Variants in KCNK13 observed in about 807,000 individuals in gnomAD.
KCNK13 encodes potassium channel subfamily K member 13.
KCNK13 carries 12 observed loss-of-function variants against 23.4 expected under a neutral mutation model. That is an observed-to-expected ratio of 0.51 (90% confidence interval 0.33 to 0.83). KCNK13 has a LOEUF of 0.83. KCNK13 is among the 40% of genes least tolerant of loss of function. KCNK13 has a pLI of 0.02. For missense variants in KCNK13, 463 were observed against 556.3 expected (o/e 0.83, Z 1.69); for synonymous variants, 231 against 229.5 (o/e 1.01, Z -0.06).
intron 1 of KCNK13, among the ~76,000 whole-genome samples, chr14:90,087,635 A>G (rs1889296963): frequency 2.0e-5 from 3 of 152,214 alleles, no homozygotes; most frequent in Admixed American, 2.0e-4. Flanking sequence ...ACTGCGCAGC[A>G]TAATCTCAGC....
At chr14:90,156,541 G>C (rs959311206) in intron 1 of KCNK13, among the ~76,000 whole-genome samples, 1 of 152,182 alleles carries the variant, frequency 6.6e-6, no homozygotes, top group South Asian at 2.1e-4. Context: ...GAATACTAAA[G>C]CCACATAGAA....
intron 1 of KCNK13, among the ~76,000 whole-genome samples, chr14:90,163,344 C>G (rs188488961): frequency 1.3e-5 from 2 of 152,290 alleles, no homozygotes; most frequent in East Asian, 3.9e-4. Context: ...GAAATTATGT[C>G]ATCAGAAGAA....
chr14:90,098,981 G>A (rs988259850), intron 1 of KCNK13, among the ~76,000 whole-genome samples: 3 of 151,962 alleles, frequency 2.0e-5, no homozygotes, highest in African/African-American at 7.3e-5. Context: ...GGGAGGCTAA[G>A]GCAGAGAATT....
At chr14:90,102,876 T>G (rs1367547624) in intron 1 of KCNK13, among the ~76,000 whole-genome samples, 1 of 152,200 alleles carries the variant, frequency 6.6e-6, no homozygotes, top group Non-Finnish European at 1.5e-5. Flanking sequence ...ATGGGTGTAT[T>G]GTACTCAGGT....
At chr14:90,163,961 G>T (rs1350572844) in intron 1 of KCNK13, among the ~76,000 whole-genome samples, 1 of 152,146 alleles carries the variant, frequency 6.6e-6, no homozygotes, top group East Asian at 1.9e-4. Flanking sequence ...CAAAGTGCTG[G>T]GATTACAGGC....
Position 90,184,690 on chromosome 14 carries a change from G to T in KCNK13, c.914G>T (p.Gly305Val), listed in dbSNP as rs1451141445. ...DSGCCPQCQR[G>V]LLRSRRNVVM... is the part of the protein sequence containing the mutation. ...GGGTGCTGCCCGCAATGCCAGAGAG[G>T]ACTCTTGCGATCACGCAGGAACGTG... is the stretch of plus-strand genomic sequence containing the variant. The change falls in exon 2 of 2, where the codon GGA becomes GTA. Residue 305 changes from glycine (G) to valine (V), a missense_variant. Physicochemically the swap from Gly to Val is moderately radical, Grantham distance 109. Coordinates refer to ENST00000282146, the MANE Select transcript of KCNK13 (RefSeq NM_022054.4). The surrounding 1 kb of genome is among the most constrained non-coding windows in gnomAD (Gnocchi z 5.6). The T allele has an allele frequency of 1.2e-6, 2 of 1,614,118 alleles. No individual in the cohort carries two copies. The highest frequency in any genetic ancestry group is 1.7e-6 in the Non-Finnish European group (2 of 1,180,056).
intron 1 of KCNK13, among the ~76,000 whole-genome samples, chr14:90,156,487 A>AGAT (rs202138603): frequency 1.2e-3 from 170 of 136,290 alleles, no homozygotes; most frequent in African/African-American, 4.6e-3. Context: ...TCGAGAATTG[A>AGAT]GATGCCAGGC....
chr14:90,163,247 A>G (rs1415769220), intron 1 of KCNK13, among the ~76,000 whole-genome samples: 1 of 152,220 alleles, frequency 6.6e-6, no homozygotes, highest in Non-Finnish European at 1.5e-5. Context: ...GGTAGGAGAG[A>G]AAAGTAGAGT....
chr14:90,184,666 G>A lies in KCNK13; in HGVS notation c.890G>A (p.Gly297Glu). 3 of 1,614,224 alleles carry A rather than the reference G, an allele frequency of 1.9e-6. No individual in the cohort carries two copies. The highest frequency in any genetic ancestry group is 2.5e-6 in the Non-Finnish European group (3 of 1,180,044). The part of the protein sequence containing the change: ...LNWILRKMDS[G>E]CCPQCQRGLL... The stretch of plus-strand genomic sequence containing the variant: ...TGGATCCTGAGGAAAATGGACAGCG[G>A]GTGCTGCCCGCAATGCCAGAGAGGA... Residue 297 changes from glycine to glutamate, a missense_variant, in exon 2 of 2, where the codon GGG (glycine) becomes GAG (glutamate). By Grantham distance (98) the Gly-to-Glu change is moderately conservative. Transcript: ENST00000282146. This position sits in a 1 kb window ranked among gnomAD's most constrained non-coding sequence, Gnocchi z 5.6.
chr14:90,070,860 T>C (rs1889066061), intron 1 of KCNK13, among the ~76,000 whole-genome samples: 1 of 152,262 alleles, frequency 6.6e-6, no homozygotes, highest in Non-Finnish European at 1.5e-5. Context: ...AGAGCTTACC[T>C]CCACTCAGGA....
chr14:90,075,279 C>A (rs147878050), intron 1 of KCNK13, among the ~76,000 whole-genome samples: 4 of 152,224 alleles, frequency 2.6e-5, no homozygotes, highest in Non-Finnish European at 5.9e-5. Context: ...AAAATTGAGA[C>A]CTCGGTTTAT....
intron 1 of KCNK13, among the ~76,000 whole-genome samples, chr14:90,068,815 G>A (rs1889038727): frequency 6.6e-6 from 1 of 152,092 alleles, no homozygotes; most frequent in African/African-American, 2.4e-5. Context: ...CCAGGCAGGT[G>A]TGGTGAGGAG....
At chr14:90,070,177 C>T (rs1264087963) in intron 1 of KCNK13, among the ~76,000 whole-genome samples, 1 of 152,114 alleles carries the variant, frequency 6.6e-6, no homozygotes, top group Non-Finnish European at 1.5e-5. Context: ...GGATGCATCT[C>T]GATTTCAGAG....
intron 1 of KCNK13, among the ~76,000 whole-genome samples, chr14:90,127,066 A>G (rs1310578592): frequency 1.3e-5 from 2 of 152,180 alleles, no homozygotes; most frequent in Non-Finnish European, 2.9e-5. Context: ...AAGTCTGAAT[A>G]AAGTATGGAA....
chr14:90,076,793 T>C (rs896803459), intron 1 of KCNK13, among the ~76,000 whole-genome samples: 1 of 152,152 alleles, frequency 6.6e-6, no homozygotes, highest in East Asian at 1.9e-4. Context: ...TGCTCAATTG[T>C]TTTTCTATTC....
chr14:90,110,513 G>T (rs1889603466), intron 1 of KCNK13, among the ~76,000 whole-genome samples: 1 of 151,470 alleles, frequency 6.6e-6, no homozygotes, highest in South Asian at 2.1e-4. Context: ...TCTGATTCAG[G>T]AGCTCTGGAA....
In KCNK13 at chr14:90,184,484, C is replaced by T; in HGVS notation, c.708C>T (p.Ser236=). 2 of 1,614,276 alleles carry T rather than the reference C, an allele frequency of 1.2e-6. No homozygotes were observed. The highest frequency in any genetic ancestry group is 1.7e-6 in the Non-Finnish European group (2 of 1,180,050). The change falls in exon 2 of 2, where the codon AGC becomes AGT. Residue 236 remains serine (S), a synonymous_variant. Coordinates refer to ENST00000282146, the MANE Select transcript of KCNK13 (RefSeq NM_022054.4). This position sits in a 1 kb window ranked among gnomAD's most constrained non-coding sequence, Gnocchi z 5.6. The stretch of plus-strand genomic sequence containing the variant: ...TCTACTTCTGTTTTGTGGCTTTCAG[C>T]ACCATTGGCTTTGGGGACCTGGTCA... The part of the protein sequence containing the change: ...DSLYFCFVAF[S]TIGFGDLVSS...
intron 1 of KCNK13, among the ~76,000 whole-genome samples, chr14:90,168,309 T>C (rs909066685): frequency 6.6e-6 from 1 of 151,876 alleles, no homozygotes; most frequent in Non-Finnish European, 1.5e-5. Context: ...AGGTTGAGGC[T>C]GCAGTGAGCT....
intron 1 of KCNK13, among the ~76,000 whole-genome samples, chr14:90,159,975 G>A (rs1205634168): frequency 6.8e-6 from 1 of 148,134 alleles, no homozygotes; most frequent in Non-Finnish European, 1.5e-5. Flanking sequence ...GTGTGTGTGT[G>A]CACATGCATG....
Sources: allele counts gnomAD v4.1 joint callset (sites outside exome capture counted in the v4.1 genomes callset), GRCh38; gene constraint gnomAD v4.1.1; non-coding constraint Gnocchi (gnomAD v3.1); transcripts MANE v1.5; gene names NCBI Gene and HGNC (gene_info 2026-07-23, HGNC 2026-07-21).